CLIP4: variants seen among roughly 807,000 people sequenced by gnomAD.
CLIP4 encodes CAP-Gly domain-containing linker protein 4.
CLIP4 carries 47 observed loss-of-function variants against 73.1 expected under a neutral mutation model. The observed-to-expected ratio is 0.64, with a 90% CI of 0.51 to 0.82. The LOEUF is 0.82. Ranked by LOEUF, CLIP4 falls within the 40% of genes least tolerant of loss-of-function variation. The pLI, the probability that CLIP4 is intolerant of heterozygous loss-of-function variation, is 0.00. For synonymous variants in CLIP4, 306 were observed against 295.4 expected, an observed-to-expected ratio of 1.04 and a Z score of -0.37; for missense variants, 874 against 852.9, an observed-to-expected ratio of 1.02 and a Z score of -0.31.
intron 6 of CLIP4, 61 bp downstream of exon 6, chr2:29,135,727 A>T: frequency 8.4e-7 from 1 of 1,194,132 alleles, no homozygotes; most frequent in Non-Finnish European, 1.2e-6. Context: ...ACTTTCTGGT[A>T]AAATGTTGAA....
intron 13 of CLIP4, among the ~76,000 whole-genome samples, chr2:29,166,978 C>G (rs1344386180): frequency 6.6e-6 from 1 of 152,100 alleles, no homozygotes; most frequent in East Asian, 1.9e-4. Flanking sequence ...GGAAAATCCA[C>G]TGGGAAAGTG....
At position 29,183,449 on chromosome 2, in the gene CLIP4, G is replaced by A. The variant is rs1320653138; in HGVS notation, c.*1556G>A. ...AATATTTTTATTGATTGAAGGAAATGACTGTACTGCGATTCAAAAGTAAAC... is the reference window on the plus strand; with the variant it reads ...AATATTTTTATTGATTGAAGGAAATAACTGTACTGCGATTCAAAAGTAAAC... On this transcript the variant is annotated 3_prime_UTR_variant, in exon 16 of 16. Coordinates refer to ENST00000320081, the MANE Select transcript of CLIP4 (RefSeq NM_024692.6). 1 of 152,592 alleles carries A rather than the reference G, an allele frequency of 6.6e-6. No individual in the cohort carries two copies. Among genetic ancestry groups the A allele is most frequent in the Non-Finnish European group, 1.5e-5 (1 of 68,006 alleles). 9.5% of individuals were successfully genotyped at this position (152,592 alleles called of 1,614,324 possible).
chr2:29,140,514 A>G (rs1290356632), intron 6 of CLIP4, among the ~76,000 whole-genome samples: 1 of 152,152 alleles, frequency 6.6e-6, no homozygotes, highest in African/African-American at 2.4e-5. Flanking sequence ...AGTCTTTGCT[A>G]TTGTGAATAG....
At chr2:29,155,725 T>C (rs192368171) in intron 9 of CLIP4, among the ~76,000 whole-genome samples, 21 of 152,344 alleles carry the variant, frequency 1.4e-4, no homozygotes, top group African/African-American at 5.1e-4. Flanking sequence ...GCTCTCATGC[T>C]TGGACTATGC....
In CLIP4 at chr2:29,160,742, G is replaced by A. The variant is rs903658260; in HGVS notation, c.1534+275G>A. Among the ~76,000 whole-genome samples, 7 of 152,134 alleles carry A rather than the reference G, an allele frequency of 4.6e-5. 1 individual carries two copies. Among genetic ancestry groups the A allele is most frequent in the Admixed American group, 2.0e-4 (3 of 15,278 alleles). ...CAATTTTACTCTTACTGATTGCTGG[G>A]TGTGCTAAGTGACAGGCAAACATTT... On this transcript the variant is annotated intron_variant, in intron 12 of 15. Coordinates refer to ENST00000320081, the MANE Select transcript of CLIP4 (RefSeq NM_024692.6).
At chr2:29,168,504 G>A (rs1390079291) in intron 14 of CLIP4, among the ~76,000 whole-genome samples, 2 of 139,730 alleles carry the variant, frequency 1.4e-5, no homozygotes, top group Non-Finnish European at 3.1e-5. Context: ...AACAGGTTAT[G>A]GTTTGCCCTT....
chr2:29,115,417 C>A lies in CLIP4; in HGVS notation c.-264C>A, dbSNP rs1376038550. On this transcript the variant is annotated 5_prime_UTR_variant, in exon 1 of 16. Coordinates refer to ENST00000320081, the MANE Select transcript of CLIP4 (RefSeq NM_024692.6). The surrounding 1 kb of genome is among the most constrained non-coding windows in gnomAD (Gnocchi z 5.1). Reference sequence around the variant, plus strand: ...CGCAGGCGCGCGCTGCCTCCTCCGTCCCCACCGAGTCCCCAGCGCGTGCGC... The same window carrying A: ...CGCAGGCGCGCGCTGCCTCCTCCGTACCCACCGAGTCCCCAGCGCGTGCGC... The A allele has an allele frequency of 1.3e-5, 2 of 150,832 alleles. No homozygotes were observed. The highest frequency in any genetic ancestry group is 3.0e-5 in the Non-Finnish European group (2 of 67,600). The allele number at this position is 150,832 out of a possible 1,614,324, so 9.3% of individuals were successfully genotyped here.
At chr2:29,118,026 C>G (rs555972220) in intron 1 of CLIP4, among the ~76,000 whole-genome samples, 1 of 152,244 alleles carries the variant, frequency 6.6e-6, no homozygotes, top group Admixed American at 6.5e-5. Flanking sequence ...ATGTAGGTAG[C>G]AAATAAAAGG....
intron 8 of CLIP4, among the ~76,000 whole-genome samples, chr2:29,150,643 CTTTTTTTTTTTTTT>C (rs34553625): frequency 3.7e-5 from 3 of 80,234 alleles, no homozygotes; most frequent in Non-Finnish European, 7.1e-5. Context: ...TTGATTTGCT[CTTTTTTTTTTTTTT>C]TTTTTTTTTT....
chr2:29,173,345 G>T (rs557938116), intron 14 of CLIP4, among the ~76,000 whole-genome samples: 1 of 152,156 alleles, frequency 6.6e-6, no homozygotes, highest in African/African-American at 2.4e-5. Flanking sequence ...TCATCTGAAC[G>T]GTGTTTCGTT....
At chr2:29,171,088 C>T (rs1573027682) in intron 14 of CLIP4, among the ~76,000 whole-genome samples, 1 of 152,120 alleles carries the variant, frequency 6.6e-6, no homozygotes, top group East Asian at 1.9e-4. Context: ...CTAGGCCTTT[C>T]ACCTGTGTAT....
At chr2:29,151,473 A>G (rs1001644670) in intron 8 of CLIP4, among the ~76,000 whole-genome samples, 10 of 152,152 alleles carry the variant, frequency 6.6e-5, no homozygotes, top group Non-Finnish European at 1.5e-4. Flanking sequence ...GAAAGAATAG[A>G]AAGTCATGGA....
intron 14 of CLIP4, among the ~76,000 whole-genome samples, chr2:29,172,281 C>A (rs1439458451): frequency 6.6e-6 from 1 of 151,974 alleles, no homozygotes; most frequent in Non-Finnish European, 1.5e-5. Context: ...CTCATTAACC[C>A]TCAGAATTTG....
Position 29,121,540 on chromosome 2 carries a change from C to CT in CLIP4, c.133+21dup, listed in dbSNP as rs1664248291. The CT allele has an allele frequency of 6.2e-7, 1 of 1,610,286 alleles. No individual in the cohort carries two copies. Among genetic ancestry groups the CT allele is most frequent in the Admixed American group, 1.7e-5 (1 of 59,134 alleles). ...GACTGTGGTATGTGAAGTAGCTGTGCTTATTTTCTGTGAACTGGTAACTTG... is the reference window on the plus strand; with the variant it reads ...GACTGTGGTATGTGAAGTAGCTGTGCTTTATTTTCTGTGAACTGGTAACTTG... On this transcript the variant is annotated intron_variant, in intron 2 of 15. Transcript: ENST00000320081.
chr2:29,179,394 T>G (rs918563305), intron 15 of CLIP4, among the ~76,000 whole-genome samples: 1 of 152,230 alleles, frequency 6.6e-6, no homozygotes, highest in African/African-American at 2.4e-5. Context: ...AAACCTTGCC[T>G]CATTATTTTT....
At position 29,121,438 on chromosome 2, in the gene CLIP4, T is replaced by C. The variant is rs1168600839; in HGVS notation, c.50T>C (p.Phe17Ser). 3 of 1,613,838 alleles carry C rather than the reference T, an allele frequency of 1.9e-6. No individual in the cohort carries two copies. The highest frequency in any genetic ancestry group is 2.5e-6 in the Non-Finnish European group (3 of 1,179,842). ...TTTCCATTAGAAGGAAATCCTTTGT[T>C]TGGAAGATACCCATTTATATTTTCT... ...PDFPLEGNPL[F>S]GRYPFIFSAS... is the part of the protein sequence containing the mutation. The change falls in exon 2 of 16, where the codon TTT (phenylalanine) becomes TCT (serine). Residue 17 changes from phenylalanine (F) to serine (S), a missense_variant. Physicochemically the swap from Phe to Ser is radical, Grantham distance 155. Coordinates refer to ENST00000320081, the MANE Select transcript of CLIP4 (RefSeq NM_024692.6).
At chr2:29,126,205 A>T (rs1373693551) in intron 2 of CLIP4, among the ~76,000 whole-genome samples, 1 of 152,230 alleles carries the variant, frequency 6.6e-6, no homozygotes. Flanking sequence ...AAAAAAATAA[A>T]AACTATTTTT....
intron 1 of CLIP4, among the ~76,000 whole-genome samples, chr2:29,100,166 G>A (rs1667999244): frequency 6.6e-6 from 1 of 151,990 alleles, no homozygotes; most frequent in African/African-American, 2.4e-5. Flanking sequence ...CTGAGCTCAA[G>A]TGATCCGCCC....
chr2:29,181,390 T>C (rs1372533960), intron 15 of CLIP4, among the ~76,000 whole-genome samples, 182 bp from the exon 16 acceptor site: 2 of 152,190 alleles, frequency 1.3e-5, no homozygotes, highest in Non-Finnish European at 2.9e-5. Context: ...GTGTAGTTCA[T>C]GGGTCAACTG....
Sources: allele counts gnomAD v4.1 joint callset (sites outside exome capture counted in the v4.1 genomes callset), GRCh38; gene constraint gnomAD v4.1.1; non-coding constraint Gnocchi (gnomAD v3.1); transcripts MANE v1.5; gene names NCBI Gene and HGNC (gene_info 2026-07-23, HGNC 2026-07-21).